Variants in CCSER1 observed in about 807,000 individuals in gnomAD.
CCSER1 encodes the protein serine-rich coiled-coil domain-containing protein 1.
A neutral mutation model predicts 82.0 loss-of-function variants in CCSER1; 41 were observed. The observed-to-expected ratio is 0.50, with a 90% CI of 0.39 to 0.65. The LOEUF (loss-of-function observed/expected upper bound fraction) is 0.65. Ranked by LOEUF, CCSER1 falls within the 30% of genes least tolerant of loss-of-function variation. The pLI is 0.00. For missense variants in CCSER1, 1,119 were observed against 1,064.2 expected (o/e 1.05, Z -0.72); for synonymous variants, 414 against 383.9 (o/e 1.08, Z -0.92).
intron 10 of CCSER1, among the ~76,000 whole-genome samples, chr4:91,446,676 A>T (rs5860238): frequency 0.31 from 44,061 of 142,116 alleles, 7,251 homozygotes; most frequent in Middle Eastern, 0.44. Context: ...TAAATAAATA[A>T]ATATATATAT....
intron 1 of CCSER1, among the ~76,000 whole-genome samples, chr4:90,177,807 T>C (rs1732982451): frequency 6.6e-6 from 1 of 152,104 alleles, no homozygotes; most frequent in South Asian, 2.1e-4. Flanking sequence ...AAATATGTTC[T>C]GTTTGAAGCA....
chr4:90,879,606 A>G (rs12163898), intron 8 of CCSER1, among the ~76,000 whole-genome samples: 5 of 144,250 alleles, frequency 3.5e-5, no homozygotes, highest in Non-Finnish European at 6.0e-5. Flanking sequence ...AGGAGGAAGA[A>G]GAGGAGGAGG....
chr4:90,250,587 C>T (rs1263966413), intron 1 of CCSER1, among the ~76,000 whole-genome samples: 1 of 152,046 alleles, frequency 6.6e-6, no homozygotes, highest in Admixed American at 6.6e-5. Context: ...GTCCTTATGC[C>T]AGTATCACAG....
At chr4:90,638,777 A>G (rs1725931440) in intron 6 of CCSER1, among the ~76,000 whole-genome samples, 1 of 152,146 alleles carries the variant, frequency 6.6e-6, no homozygotes, top group Non-Finnish European at 1.5e-5. Flanking sequence ...GAGAGATTAG[A>G]GAAGGTGGAG....
At chr4:90,214,570 G>A (rs1740664480) in intron 1 of CCSER1, among the ~76,000 whole-genome samples, 1 of 144,950 alleles carries the variant, frequency 6.9e-6, no homozygotes, top group South Asian at 2.3e-4. Flanking sequence ...CAGTTGCTAG[G>A]TCATTACAAG....
At chr4:90,192,043 G>A (rs995850071) in intron 1 of CCSER1, among the ~76,000 whole-genome samples, 2 of 152,038 alleles carry the variant, frequency 1.3e-5, no homozygotes, top group Non-Finnish European at 2.9e-5. Context: ...GTATTAGTCC[G>A]TTTTCACGCT....
At chr4:91,255,333 A>G (rs911556955) in intron 10 of CCSER1, among the ~76,000 whole-genome samples, 1 of 152,214 alleles carries the variant, frequency 6.6e-6, no homozygotes, top group African/African-American at 2.4e-5. Flanking sequence ...GCTTACAATA[A>G]TGTCTCACAT....
intron 8 of CCSER1, among the ~76,000 whole-genome samples, chr4:90,903,493 A>G (rs1379314002): frequency 1.3e-5 from 2 of 152,088 alleles, no homozygotes; most frequent in African/African-American, 4.8e-5. Context: ...ACAGACTAAT[A>G]TACATATCAA....
At chr4:90,423,963 C>T (rs375989672) in intron 4 of CCSER1, among the ~76,000 whole-genome samples, 1 of 150,448 alleles carries the variant, frequency 6.6e-6, no homozygotes, top group African/African-American at 2.4e-5. Context: ...CAGTGGCGGG[C>T]GCCTGTAGTA....
rs543280536 is a variant in CCSER1, at chr4:91,120,548, A to T, written c.2217+34554A>T. ...TCTCAGAGGAAAGCTAAAACATGGG[A>T]TGATACTTTAGCTTTAAAGTTTTTT... On this transcript the variant is annotated intron_variant, in intron 10 of 10. Transcript: ENST00000509176. Among the ~76,000 whole-genome samples the T allele has an allele frequency of 1.2e-4, 19 of 152,102 alleles. 1 individual carries two copies. In the South Asian group the frequency reaches 3.9e-3, roughly 32 times the overall value.
intron 3 of CCSER1, among the ~76,000 whole-genome samples, chr4:90,390,314 G>T (rs11722369): frequency 6.6e-6 from 1 of 151,894 alleles, no homozygotes; most frequent in African/African-American, 2.4e-5. Flanking sequence ...TTGAATATTC[G>T]GGGGTACATG....
chr4:91,267,215 A>G (rs1741662554), intron 10 of CCSER1, among the ~76,000 whole-genome samples: 1 of 152,000 alleles, frequency 6.6e-6, no homozygotes, highest in South Asian at 2.1e-4. Flanking sequence ...GGAATTATTG[A>G]TGGATATTTC....
intron 10 of CCSER1, among the ~76,000 whole-genome samples, chr4:91,361,948 C>A (rs577435497): frequency 6.6e-6 from 1 of 151,730 alleles, no homozygotes; most frequent in Non-Finnish European, 1.5e-5. Context: ...GTATTTGGCG[C>A]TATTTTACAA....
intron 5 of CCSER1, among the ~76,000 whole-genome samples, chr4:90,554,196 C>CA (rs200283080): frequency 0.017 from 2,575 of 151,626 alleles, 66 homozygotes; most frequent in African/African-American, 0.059. Context: ...TCTGCCTTTA[C>CA]AAAAAAAACA....
At chr4:91,405,834 C>G (rs1752665846) in intron 10 of CCSER1, among the ~76,000 whole-genome samples, 1 of 152,178 alleles carries the variant, frequency 6.6e-6, no homozygotes, top group South Asian at 2.1e-4. Context: ...CCAGGTGAGG[C>G]AATGCCCCAC....
At chr4:90,393,301 T>G (rs1751473651) in intron 3 of CCSER1, among the ~76,000 whole-genome samples, 1 of 152,208 alleles carries the variant, frequency 6.6e-6, no homozygotes, top group Non-Finnish European at 1.5e-5. Context: ...CTGAGGATCT[T>G]CTACAATAAC....
chr4:90,155,488 A>C (rs1727920193), intron 1 of CCSER1, among the ~76,000 whole-genome samples: 2 of 152,088 alleles, frequency 1.3e-5, no homozygotes, highest in Non-Finnish European at 2.9e-5. Context: ...GGTAGAATTC[A>C]GCTGTGAATC....
chr4:90,410,450 T>C (rs1398872270), intron 4 of CCSER1, among the ~76,000 whole-genome samples: 2 of 152,088 alleles, frequency 1.3e-5, no homozygotes, highest in Non-Finnish European at 2.9e-5. Context: ...CACAGTGCAA[T>C]CCAACTAGAA....
intron 9 of CCSER1, among the ~76,000 whole-genome samples, chr4:90,931,384 TATTAGC>T (rs932237374): frequency 6.8e-6 from 1 of 148,128 alleles, no homozygotes; most frequent in Admixed American, 6.8e-5. Flanking sequence ...TTTATATAAC[TATTAGC>T]TAGGAATATT....
Sources: gnomAD v4.1 joint callset for allele counts (sites outside exome capture counted in the v4.1 genomes callset) on GRCh38, gnomAD v4.1.1 for gene constraint, MANE v1.5 for transcripts, NCBI Gene and HGNC (gene_info 2026-07-23, HGNC 2026-07-21) for gene names.